SGCD: variants seen among roughly 807,000 people sequenced by gnomAD.
SGCD encodes delta-sarcoglycan.
In SGCD, 18 loss-of-function variants were observed where a neutral mutation model predicts 36.6. The observed-to-expected ratio is 0.49, with a 90% CI of 0.34 to 0.73. The LOEUF (loss-of-function observed/expected upper bound fraction) is 0.73, where lower values mean the gene tolerates loss of function less well. Ranked by LOEUF, SGCD falls within the 30% of genes least tolerant of loss-of-function variation. The pLI, the probability that SGCD is intolerant of heterozygous loss-of-function variation, is 0.01. For synonymous variants in SGCD, 133 were observed against 130.6 expected (o/e 1.02, Z -0.12); for missense variants, 387 against 346.7 (o/e 1.12, Z -0.92).
At position 156,479,973 on chromosome 5, in the gene SGCD, G is replaced by A. The variant is rs574280239; in HGVS notation, c.193-28628G>A. Among the ~76,000 whole-genome samples the A allele has an allele frequency of 3.3e-5, 5 of 152,336 alleles. No individual in the cohort carries two copies. In the South Asian group the frequency reaches 8.3e-4, roughly 25 times the overall value. ...ACCAACAGCTGCTGTCTTGCCCTGGGAGGAGCCCCTGTGGGTGGAAGATCA... is the reference window on the plus strand; with the variant it reads ...ACCAACAGCTGCTGTCTTGCCCTGGAAGGAGCCCCTGTGGGTGGAAGATCA... On this transcript the variant is annotated intron_variant, in intron 3 of 8. Coordinates refer to ENST00000337851, the MANE Select transcript of SGCD (RefSeq NM_000337.6).
chr5:156,513,333 A>C (rs144376930), intron 4 of SGCD, among the ~76,000 whole-genome samples: 1 of 152,282 alleles, frequency 6.6e-6, no homozygotes, highest in East Asian at 1.9e-4. Context: ...GATGCTCATG[A>C]ACCTCACATG....
intron 1 of SGCD, among the ~76,000 whole-genome samples, chr5:155,979,306 G>T (rs2127561715): frequency 6.6e-6 from 1 of 152,260 alleles, no homozygotes; most frequent in South Asian, 2.1e-4. Context: ...AGAGATATAA[G>T]GTGCTTAGGG....
At chr5:156,288,074 G>A (rs1290071863) in intron 3 of SGCD, among the ~76,000 whole-genome samples, 1 of 152,152 alleles carries the variant, frequency 6.6e-6, no homozygotes, top group Non-Finnish European at 1.5e-5. Context: ...GCTGTGCAAG[G>A]AGAATCTTGA....
intron 4 of SGCD, among the ~76,000 whole-genome samples, chr5:156,583,206 C>T (rs556059171): frequency 6.6e-6 from 1 of 152,270 alleles, no homozygotes; most frequent in Admixed American, 6.5e-5. Flanking sequence ...CCTAATACAT[C>T]AGACTCCTAG....
At chr5:156,071,517 C>A (rs1475550360) in intron 1 of SGCD, among the ~76,000 whole-genome samples, 1 of 152,062 alleles carries the variant, frequency 6.6e-6, no homozygotes, top group Non-Finnish European at 1.5e-5. Flanking sequence ...AATTTCTGTT[C>A]TTTTACATTT....
chr5:156,231,215 A>G (rs1192374241), intron 3 of SGCD, among the ~76,000 whole-genome samples: 1 of 152,156 alleles, frequency 6.6e-6, no homozygotes, highest in Non-Finnish European at 1.5e-5. Flanking sequence ...TGCCTTGTTG[A>G]AAGGTAGATT....
Position 156,438,680 on chromosome 5 carries a change from T to C in SGCD, c.193-69921T>C, listed in dbSNP as rs545895995. 2.4e-4 allele frequency among the ~76,000 whole-genome samples: 37 copies of C among 152,250 alleles called. No homozygotes were observed. The South Asian group carries it at 7.1e-3, about 29-fold the overall frequency. On this transcript the variant is annotated intron_variant, in intron 3 of 8. Transcript: ENST00000337851. The stretch of plus-strand genomic sequence containing the variant: ...TCATATTCTACCAACTCTTTTCTTT[T>C]CTCCTCCATTCTTCACAGGGAAACT...
intron 7 of SGCD, among the ~76,000 whole-genome samples, chr5:156,700,398 G>A (rs1169099304): frequency 6.6e-6 from 1 of 152,064 alleles, no homozygotes; most frequent in South Asian, 2.1e-4. Flanking sequence ...TATAGGTGTG[G>A]TCAAAAGATA....
intron 6 of SGCD, among the ~76,000 whole-genome samples, chr5:156,600,448 T>A (rs1382517361): frequency 6.6e-6 from 1 of 152,230 alleles, no homozygotes; most frequent in Non-Finnish European, 1.5e-5. Flanking sequence ...TTATTTTACT[T>A]AGCAAAATGT....
At chr5:156,461,628 C>A (rs77678906) in intron 3 of SGCD, among the ~76,000 whole-genome samples, 5,470 of 151,962 alleles carry the variant, frequency 0.036, 105 homozygotes, top group African/African-American at 0.062. Flanking sequence ...CGGGTCCTTT[C>A]CCTTTTTACT....
At chr5:156,697,750 C>CGGATGGATGGATGGAT (rs10544582) in intron 7 of SGCD, among the ~76,000 whole-genome samples, 2 of 149,048 alleles carry the variant, frequency 1.3e-5, no homozygotes, top group African/African-American at 2.5e-5. Context: ...GATGGACGGA[C>CGGATGGATGGATGGAT]GGATGGATGG....
the SGCD span, among the ~76,000 whole-genome samples, chr5:155,751,646 G>A: frequency 6.6e-6 from 1 of 151,454 alleles, no homozygotes; most frequent in East Asian, 1.9e-4. Flanking sequence ...TAAAATGCTG[G>A]GATTATAGGC....
chr5:156,749,045 G>T (rs569310811), intron 7 of SGCD, among the ~76,000 whole-genome samples: 3 of 152,068 alleles, frequency 2.0e-5, no homozygotes, highest in African/African-American at 7.2e-5. Flanking sequence ...GATTATAGGC[G>T]TGAGCCATTG....
Position 156,229,286 on chromosome 5 carries a change from A to ATATATATATATATGTGTG in SGCD, c.-43-100235_-43-100234insGTGTGTATATATATATAT, listed in dbSNP as rs1554085609. Among the ~76,000 whole-genome samples, 12 of 110,448 alleles carry ATATATATATATATGTGTG rather than the reference A, an allele frequency of 1.1e-4. 1 individual carries two copies. Among genetic ancestry groups the ATATATATATATATGTGTG allele is most frequent in the African/African-American group, 4.5e-4 (11 of 24,562 alleles). 72.5% of individuals were successfully genotyped at this position (110,448 alleles called of 152,430 possible). On this transcript the variant is annotated intron_variant, in intron 3 of 9. Coordinates refer to the SGCD transcript ENST00000517913. ...CATATATATATACATACATATATAT[A>ATATATATATATATGTGTG]TATATATATATATAAAATTAGTTCT... is the stretch of plus-strand genomic sequence containing the variant.
At chr5:156,175,356 T>C (rs1763440014) in intron 3 of SGCD, among the ~76,000 whole-genome samples, 1 of 152,122 alleles carries the variant, frequency 6.6e-6, no homozygotes, top group South Asian at 2.1e-4. Context: ...GATGAAATAG[T>C]GGAAAAAATT....
At chr5:155,945,154 A>G (rs1032773597) in intron 1 of SGCD, among the ~76,000 whole-genome samples, 4 of 152,182 alleles carry the variant, frequency 2.6e-5, no homozygotes, top group African/African-American at 4.8e-5. Context: ...TTGAGAACCA[A>G]TGAGGTCTGT....
chr5:156,523,710 T>G (rs908561351), intron 4 of SGCD, among the ~76,000 whole-genome samples: 1 of 151,792 alleles, frequency 6.6e-6, no homozygotes, highest in Admixed American at 6.6e-5. Flanking sequence ...CACGGTAGAG[T>G]TCAGGGGCAG....
intron 7 of SGCD, among the ~76,000 whole-genome samples, chr5:156,649,745 A>G (rs557660968): frequency 1.2e-3 from 183 of 152,132 alleles, no homozygotes; most frequent in African/African-American, 4.3e-3. Flanking sequence ...TAGCATTAGG[A>G]GATATACCTA....
At chr5:156,438,768 G>A (rs1029126403) in intron 3 of SGCD, among the ~76,000 whole-genome samples, 4 of 152,088 alleles carry the variant, frequency 2.6e-5, no homozygotes, top group African/African-American at 9.7e-5. Flanking sequence ...ATGGCACCTA[G>A]TTTAATTATG....
Sources: allele counts gnomAD v4.1 joint callset (sites outside exome capture counted in the v4.1 genomes callset), GRCh38; gene constraint gnomAD v4.1.1; transcripts MANE v1.5; gene names NCBI Gene and HGNC (gene_info 2026-07-23, HGNC 2026-07-21).